GRIP2: variants seen among roughly 807,000 people sequenced by gnomAD.
The protein encoded by GRIP2 is glutamate receptor interacting protein 2.
Under a neutral mutation model 108.3 loss-of-function variants are expected in GRIP2, and 58 were observed. That is an observed-to-expected ratio of 0.54 (90% CI 0.43 to 0.67). GRIP2 has a LOEUF of 0.67. Ranked by LOEUF, GRIP2 falls within the 30% of genes least tolerant of loss-of-function variation. The pLI, the probability that GRIP2 is intolerant of heterozygous loss-of-function variation, is 0.00. For missense variants in GRIP2, 1,278 were observed against 1,430.6 expected (o/e 0.89, Z 1.72); for synonymous variants, 586 against 598.2 (o/e 0.98, Z 0.30).
chr3:14,574,337 C>A, the GRIP2 span: 1 of 1,029,458 alleles, frequency 9.7e-7, no homozygotes, highest in Admixed American at 1.8e-5. Flanking sequence ...AGAGTTTGCG[C>A]ACCGGCACAG....
Position 14,511,482 on chromosome 3 carries a change from G to A in GRIP2, c.1721-3C>T. 1 of 1,613,138 alleles carries A rather than the reference G, an allele frequency of 6.2e-7. No homozygotes were observed. ...CTCCCCTCGTTTCCTGCTGGCCGCT[G>A]GAGAAAAAGAGGCCATGAATCTGAC... On this transcript the variant is annotated splice_region_variant and splice_polypyrimidine_tract_variant and intron_variant, in intron 14 of 23. Transcript: ENST00000621039. The surrounding 1 kb of genome is among the most constrained non-coding windows in gnomAD (Gnocchi z 4.1).
At position 14,496,397 on chromosome 3, in the gene GRIP2, T is replaced by C; in HGVS notation, c.2823+20A>G. 2 of 1,595,698 alleles carry C rather than the reference T, an allele frequency of 1.3e-6. No individual in the cohort carries two copies. Among genetic ancestry groups the C allele is most frequent in the Non-Finnish European group, 1.7e-6 (2 of 1,168,238 alleles). On this transcript the variant is annotated intron_variant, in intron 22 of 23. Coordinates refer to ENST00000621039, the MANE Select transcript of GRIP2 (RefSeq NM_001080423.4). ...CCAGAACACAGGTCCAGGTCTCCTG[T>C]GCTCACCCCCTGTGCCTACCTTGTG...
In GRIP2 at chr3:14,521,874, A is replaced by T; in HGVS notation, c.567-87T>A. The T allele has an allele frequency of 7.1e-6, 7 of 985,830 alleles. No homozygotes were observed. The highest frequency in any genetic ancestry group is 1.7e-5 in the African/African-American group (1 of 58,312). 61.1% of individuals were successfully genotyped at this position (985,830 alleles called of 1,614,324 possible). A position where few individuals can be genotyped will look rare whatever the true frequency, so the allele number is the denominator to read the frequency against. ...GAGGGCGCTGGGAAGCGGGACATGG[A>T]GGATGAAGAAGCAGGGAATGGGTGG... On this transcript the variant is annotated intron_variant, in intron 6 of 23. Transcript: ENST00000621039. This position sits in a 1 kb window ranked among gnomAD's most constrained non-coding sequence, Gnocchi z 5.1.
chr3:14,572,346 G>A, the GRIP2 span, among the ~76,000 whole-genome samples: 1 of 152,016 alleles, frequency 6.6e-6, no homozygotes, highest in African/African-American at 2.4e-5. Context: ...GGGCGTGGTG[G>A]CTCACGCCTG....
intron 1 of GRIP2, among the ~76,000 whole-genome samples, chr3:14,551,390 G>T (rs1485269396): frequency 6.6e-6 from 1 of 152,220 alleles, no homozygotes; most frequent in Non-Finnish European, 1.5e-5. Context: ...TCAGGGAGGA[G>T]CCTGGCACGT....
chr3:14,504,130 G>A (rs1209497043), intron 20 of GRIP2, among the ~76,000 whole-genome samples: 1 of 152,114 alleles, frequency 6.6e-6, no homozygotes, highest in Non-Finnish European at 1.5e-5. Flanking sequence ...ACTGTGCTGG[G>A]GAAGGGGTCG....
chr3:14,602,367 C>G, the GRIP2 span: 2 of 152,040 alleles, frequency 1.3e-5, no homozygotes, highest in Admixed American at 6.5e-5. The surrounding 1 kb of genome is among the most constrained non-coding windows in gnomAD (Gnocchi z 4.7). Context: ...CCCTCCCTGG[C>G]CTCCTCGCAA....
intron 21 of GRIP2, among the ~76,000 whole-genome samples, chr3:14,497,847 G>A (rs558083546): frequency 6.6e-6 from 1 of 152,280 alleles, no homozygotes; most frequent in South Asian, 2.1e-4. Flanking sequence ...CTCAGGAAGT[G>A]AGGGCTGAGC....
the GRIP2 span, chr3:14,573,461 C>A: frequency 1.9e-5 from 29 of 1,530,826 alleles, no homozygotes; most frequent in African/African-American, 2.7e-5. Context: ...GGCGGTAGAA[C>A]TGGTCAGGCA....
chr3:14,554,104 C>T (rs1695196346), intron 1 of GRIP2, among the ~76,000 whole-genome samples: 1 of 152,204 alleles, frequency 6.6e-6, no homozygotes, highest in Admixed American at 6.5e-5. Context: ...CAGGAGTCTA[C>T]TGTGTGTCCC....
At chr3:14,596,882 A>T in the GRIP2 span, among the ~76,000 whole-genome samples, 2 of 152,112 alleles carry the variant, frequency 1.3e-5, no homozygotes, top group East Asian at 3.9e-4. Flanking sequence ...CTGGGACTAC[A>T]GGCACACGCC....
At chr3:14,582,959 G>A in the GRIP2 span, among the ~76,000 whole-genome samples, 1 of 152,246 alleles carries the variant, frequency 6.6e-6, no homozygotes, top group African/African-American at 2.4e-5. Context: ...GTAAACATTT[G>A]TTGAGTGAAT....
Position 14,525,383 on chromosome 3 carries a change from C to T in GRIP2, c.257+54G>A, listed in dbSNP as rs964606559. On this transcript the variant is annotated intron_variant, in intron 3 of 23. Coordinates refer to ENST00000621039, the MANE Select transcript of GRIP2 (RefSeq NM_001080423.4). ...GTACATTTTCCACTGGCCCTGGGCTCCCATCATTGCCTCTGCACCCCCCTC... is the reference window on the plus strand; with the variant it reads ...GTACATTTTCCACTGGCCCTGGGCTTCCATCATTGCCTCTGCACCCCCCTC... 149 of 1,593,930 alleles carry T rather than the reference C, an allele frequency of 9.3e-5. 1 individual carries two copies. In the South Asian group the frequency reaches 1.5e-3, roughly 16 times the overall value.
intron 3 of GRIP2, among the ~76,000 whole-genome samples, chr3:14,525,171 A>T (rs1001277693): frequency 6.6e-6 from 1 of 152,170 alleles, no homozygotes; most frequent in Non-Finnish European, 1.5e-5. Flanking sequence ...GGGACTGCAT[A>T]TGCAAAGGCC....
rs1693953049 is a variant in GRIP2 at position 14,507,102 on chromosome 3, C to T, written c.2219-122G>A. ...AAGCCCTTCTGAGCTGACATATGAC[C>T]ATGGCACACTAATAAGCAAACCTGT... On this transcript the variant is annotated intron_variant, in intron 18 of 23. Coordinates refer to ENST00000621039, the MANE Select transcript of GRIP2 (RefSeq NM_001080423.4). This position sits in a 1 kb window ranked among gnomAD's most constrained non-coding sequence, Gnocchi z 4.6. 1 of 925,198 alleles carries T rather than the reference C, an allele frequency of 1.1e-6. No homozygotes were observed. The highest frequency in any genetic ancestry group is 1.7e-5 in the African/African-American group (1 of 60,484). 57.3% of individuals were successfully genotyped at this position (925,198 alleles called of 1,614,324 possible). A position where few individuals can be genotyped will look rare whatever the true frequency, so the allele number is the denominator to read the frequency against.
At chr3:14,496,816 T>A (rs1368706863) in intron 21 of GRIP2, among the ~76,000 whole-genome samples, 1 of 152,178 alleles carries the variant, frequency 6.6e-6, no homozygotes, top group African/African-American at 2.4e-5. Context: ...TCTTAGCACT[T>A]TACACCTATA....
At chr3:14,494,130 G>T (rs1207103292) in intron 23 of GRIP2, among the ~76,000 whole-genome samples, 1 of 152,218 alleles carries the variant, frequency 6.6e-6, no homozygotes, top group African/African-American at 2.4e-5. Context: ...CTCCTGCCTA[G>T]AACTGTGTGA....
At chr3:14,513,949 G>A in intron 12 of GRIP2, 139 bp from the exon 13 acceptor site, 16 of 1,056,668 alleles carry the variant, frequency 1.5e-5, no homozygotes, top group Non-Finnish European at 2.0e-5. Flanking sequence ...TGGCCCACCT[G>A]TGTATCCTCA....
At chr3:14,523,923 AC>A (rs1306599285) in intron 4 of GRIP2, 5 of 557,110 alleles carry the variant, frequency 9.0e-6, no homozygotes, top group Admixed American at 6.2e-5. Flanking sequence ...GCCCATGCTC[AC>A]AGAGACGACG....
Sources: allele counts gnomAD v4.1 joint callset (sites outside exome capture counted in the v4.1 genomes callset), GRCh38; gene constraint gnomAD v4.1.1; non-coding constraint Gnocchi (gnomAD v3.1); transcripts MANE v1.5; gene names NCBI Gene and HGNC (gene_info 2026-07-23, HGNC 2026-07-21).